The following HDAC9 variants were observed in gnomAD, a reference collection of about 807,000 sequenced individuals.
The protein encoded by HDAC9 is histone deacetylase 9, also known as MEF-2 interacting transcription repressor (MITR) protein.
Under a neutral mutation model 139.4 loss-of-function variants are expected in HDAC9, and 41 were observed. That is an observed-to-expected ratio of 0.29 (90% CI 0.23 to 0.38). HDAC9 has a LOEUF of 0.38. Ranked by LOEUF, HDAC9 falls within the 10% of genes least tolerant of loss-of-function variation. The pLI, the probability that HDAC9 is intolerant of heterozygous loss-of-function variation, is 1.00. For synonymous variants in HDAC9, 517 were observed against 476.2 expected (o/e 1.09, Z -1.12); for missense variants, 1,147 against 1,297.0 (o/e 0.88, Z 1.78).
chr7:18,300,612 C>T (rs1346383348), intron 1 of HDAC9, among the ~76,000 whole-genome samples: 1 of 151,770 alleles, frequency 6.6e-6, no homozygotes, highest in African/African-American at 2.4e-5. Flanking sequence ...AACAGATTGA[C>T]TTAGTTTTTC....
At chr7:18,412,714 T>C (rs1788688517) in intron 1 of HDAC9, among the ~76,000 whole-genome samples, 1 of 152,182 alleles carries the variant, frequency 6.6e-6, no homozygotes. Flanking sequence ...TAATAAAAAG[T>C]ATATGCCACA....
intron 22 of HDAC9, among the ~76,000 whole-genome samples, chr7:18,934,825 A>T (rs1482008473): frequency 6.6e-6 from 1 of 152,202 alleles, no homozygotes; most frequent in Non-Finnish European, 1.5e-5. Context: ...GCATATGTGC[A>T]CCAGAAGACC....
At chr7:18,246,353 A>G (rs918458109) in intron 2 of HDAC9, among the ~76,000 whole-genome samples, 1 of 151,866 alleles carries the variant, frequency 6.6e-6, no homozygotes, top group African/African-American at 2.4e-5. Flanking sequence ...TTTTTACTTT[A>G]GTAAAATACA....
At chr7:18,241,528 G>T (rs939999926) in intron 2 of HDAC9, among the ~76,000 whole-genome samples, 2 of 152,132 alleles carry the variant, frequency 1.3e-5, no homozygotes, top group African/African-American at 4.8e-5. Context: ...TTCACTACAT[G>T]TAGACCACAG....
chr7:18,774,580 T>C (rs1392478743), intron 16 of HDAC9, among the ~76,000 whole-genome samples: 3 of 152,092 alleles, frequency 2.0e-5, no homozygotes, highest in Non-Finnish European at 4.4e-5. Context: ...TTTAAAACTA[T>C]GTTTAAAAAT....
rs990427564 is a variant in HDAC9, at chr7:18,906,370, C to G, written c.2804-29439C>G. Among the ~76,000 whole-genome samples the G allele has an allele frequency of 1.4e-4, 21 of 152,122 alleles. 1 individual carries two copies. Among genetic ancestry groups the G allele is most frequent in the Admixed American group, 7.2e-4 (11 of 15,276 alleles). On this transcript the variant is annotated intron_variant, in intron 22 of 25. Coordinates refer to ENST00000686413, the MANE Select transcript of HDAC9 (RefSeq NM_178425.4). ...ATGTTGGGCAAGCTGGTCTTAAACT[C>G]CTTACCTCAGGTGATCCACCTGCCT...
chr7:18,994,624 A>C (rs918082511), intron 25 of HDAC9, among the ~76,000 whole-genome samples: 4 of 152,164 alleles, frequency 2.6e-5, no homozygotes, highest in African/African-American at 9.7e-5. Context: ...TTTTAAAAGG[A>C]TGCTTTAAAA....
chr7:18,255,492 G>C (rs1374629028), intron 2 of HDAC9, among the ~76,000 whole-genome samples: 1 of 152,072 alleles, frequency 6.6e-6, no homozygotes, highest in Non-Finnish European at 1.5e-5. Flanking sequence ...AATTAAATAA[G>C]TACAAGAATA....
chr7:18,962,539 AT>A (rs764182444), intron 24 of HDAC9, among the ~76,000 whole-genome samples: 5 of 151,436 alleles, frequency 3.3e-5, no homozygotes, highest in East Asian at 1.9e-4. Flanking sequence ...TGCGTCTGCA[AT>A]TTTTTTTTCA....
At chr7:18,355,213 C>T (rs965400439) in intron 1 of HDAC9, among the ~76,000 whole-genome samples, 1 of 152,142 alleles carries the variant, frequency 6.6e-6, no homozygotes, top group Non-Finnish European at 1.5e-5. Context: ...TCCACTTGTC[C>T]ATGAGGAAAC....
At chr7:18,533,843 C>G (rs1214788599) in intron 2 of HDAC9, among the ~76,000 whole-genome samples, 1 of 152,032 alleles carries the variant, frequency 6.6e-6, no homozygotes, top group African/African-American at 2.4e-5. Context: ...TATTTTCTTT[C>G]AGGTAGATTT....
In HDAC9 at chr7:18,303,005, GT is replaced by G. The variant is rs200968180; in HGVS notation, c.-42+12499del. 5.3e-3 allele frequency among the ~76,000 whole-genome samples: 793 copies of G among 150,146 alleles called. 9 individuals carry two copies. Among genetic ancestry groups the G allele is most frequent in the African/African-American group, 0.018 (724 of 40,944 alleles). ...TAATATAAAGTGTTGTTTGTCAATT[GT>G]TTTTTTTTATGACTTTTCCTAAAAA... is the stretch of plus-strand genomic sequence containing the variant. On this transcript the variant is annotated intron_variant, in intron 1 of 3. Coordinates refer to the HDAC9 transcript ENST00000413509.
At chr7:18,535,942 G>A (rs1810757434) in intron 2 of HDAC9, among the ~76,000 whole-genome samples, 1 of 152,120 alleles carries the variant, frequency 6.6e-6, no homozygotes, top group Admixed American at 6.5e-5. Context: ...ATTCCTATTA[G>A]GAGCTTGTAG....
At chr7:18,288,209 A>G (rs910236714), upstream of HDAC9, among the ~76,000 whole-genome samples, 3 of 152,248 alleles carry the variant, frequency 2.0e-5, no homozygotes, top group Admixed American at 6.5e-5. Context: ...GTTCAATACA[A>G]CAAAAAGCAA....
chr7:18,468,720 A>C (rs1794494338), intron 1 of HDAC9, among the ~76,000 whole-genome samples: 1 of 152,202 alleles, frequency 6.6e-6, no homozygotes, highest in Admixed American at 6.5e-5. Flanking sequence ...ATCAATTTGT[A>C]TTTTGTGCAA....
intron 8 of HDAC9, among the ~76,000 whole-genome samples, chr7:18,636,648 TCTTA>T (rs1340557756): frequency 6.6e-6 from 1 of 152,118 alleles, no homozygotes; most frequent in East Asian, 1.9e-4. Context: ...CGCATCTATT[TCTTA>T]CTTACTATCC....
At chr7:18,781,437 C>G (rs754105153) in intron 16 of HDAC9, among the ~76,000 whole-genome samples, 5 of 152,004 alleles carry the variant, frequency 3.3e-5, no homozygotes, top group Admixed American at 6.6e-5. Context: ...ATAAAGCTCT[C>G]ATGAGGAATT....
At chr7:18,267,222 CAT>C (rs1287673950) in intron 2 of HDAC9, among the ~76,000 whole-genome samples, 2 of 152,128 alleles carry the variant, frequency 1.3e-5, no homozygotes, top group East Asian at 1.9e-4. Context: ...TGTTTTGAAA[CAT>C]GTATACATTG....
intron 21 of HDAC9, among the ~76,000 whole-genome samples, chr7:18,856,581 T>C (rs1797698385): frequency 6.6e-6 from 1 of 152,160 alleles, no homozygotes; most frequent in Admixed American, 6.6e-5. Context: ...TTATAAACAT[T>C]GCAAATGTAC....
Sources: gnomAD v4.1 joint callset for allele counts (sites outside exome capture counted in the v4.1 genomes callset) on GRCh38, gnomAD v4.1.1 for gene constraint, MANE v1.5 for transcripts, NCBI Gene and HGNC (gene_info 2026-07-23, HGNC 2026-07-21) for gene names.